The following MCF2L2 variants were observed in gnomAD, a reference collection of about 807,000 sequenced individuals.
MCF2L2 encodes the protein probable guanine nucleotide exchange factor MCF2L2.
MCF2L2 carries 102 observed loss-of-function variants against 150.2 expected under a neutral mutation model. The observed-to-expected ratio is 0.68, with a 90% CI of 0.58 to 0.80. The LOEUF is 0.80. MCF2L2 is among the 30% of genes least tolerant of loss of function. The pLI is 0.00. For synonymous variants in MCF2L2, 465 were observed against 491.3 expected, an observed-to-expected ratio of 0.95 and a Z score of 0.71; for missense variants, 1,256 against 1,372.8, an observed-to-expected ratio of 0.91 and a Z score of 1.34.
chr3:183,426,783 C>G (rs924256764), intron 1 of MCF2L2, among the ~76,000 whole-genome samples: 1 of 152,208 alleles, frequency 6.6e-6, no homozygotes, highest in Non-Finnish European at 1.5e-5. Flanking sequence ...GATCTTTTGT[C>G]GTAAAAGTTC....
chr3:183,194,095 G>A (rs574544612), intron 26 of MCF2L2, among the ~76,000 whole-genome samples: 1 of 152,016 alleles, frequency 6.6e-6, no homozygotes, highest in Non-Finnish European at 1.5e-5. Context: ...AGAGTACTCC[G>A]TAAGAGTGTG....
chr3:183,193,563 A>G (rs182071075), intron 26 of MCF2L2, among the ~76,000 whole-genome samples: 6 of 151,942 alleles, frequency 3.9e-5, no homozygotes, highest in Non-Finnish European at 8.8e-5. Flanking sequence ...GTTGGCCAGG[A>G]TGGTCTTGAT....
chr3:183,270,433 A>T lies in MCF2L2; in HGVS notation c.1862+6439T>A, dbSNP rs780183264. ...ATTGAGTACCTTCAAAGTTTAGAAC[A>T]AATTGGTGTTCAAGACTTTTGGATT... On this transcript the variant is annotated intron_variant, in intron 15 of 29. Coordinates refer to ENST00000328913, the MANE Select transcript of MCF2L2 (RefSeq NM_015078.4). The surrounding 1 kb of genome is among the most constrained non-coding windows in gnomAD (Gnocchi z 4.5). The T allele has an allele frequency of 6.2e-7, 1 of 1,614,208 alleles. No homozygotes were observed. The highest frequency in any genetic ancestry group is 8.5e-7 in the Non-Finnish European group (1 of 1,180,040).
Position 183,180,060 on chromosome 3 carries a change from G to T in MCF2L2, c.3105+11C>A, listed in dbSNP as rs758631453. 3.1e-6 allele frequency: 5 copies of T among 1,604,224 alleles called. No individual in the cohort carries two copies. The highest frequency in any genetic ancestry group is 2.2e-5 in the South Asian group (2 of 90,846). ...GGAAGAAGATGAAAGAAACAAAAGG[G>T]AAGTAATTACACTCAGAGCACTGCT... On this transcript the variant is annotated intron_variant, in intron 28 of 29. Coordinates refer to ENST00000328913, the MANE Select transcript of MCF2L2 (RefSeq NM_015078.4).
Position 183,179,176 on chromosome 3 carries a change from A to G in MCF2L2, c.*204T>C. The G allele has an allele frequency of 1.7e-6, 1 of 602,470 alleles. No homozygotes were observed. 37.3% of individuals were successfully genotyped at this position (602,470 alleles called of 1,614,324 possible). A position where few individuals can be genotyped will look rare whatever the true frequency, so the allele number is the denominator to read the frequency against. On this transcript the variant is annotated 3_prime_UTR_variant, in exon 30 of 30. Coordinates refer to ENST00000328913, the MANE Select transcript of MCF2L2 (RefSeq NM_015078.4). This position sits in a 1 kb window ranked among gnomAD's most constrained non-coding sequence, Gnocchi z 4.2. ...CTCGCCTCTGCAGGCGCCTTAGAGC[A>G]GCTCCGAGGTCCCCCGTGCGGAGCT...
In MCF2L2 at chr3:183,323,348, T is replaced by C. The variant is rs1224632344; in HGVS notation, c.490A>G (p.Ile164Val). Residue 164 changes from isoleucine (I) to valine (V), a missense_variant, in exon 6 of 30, where the codon ATC becomes GTC. Ile to Val is a conservative substitution (Grantham distance 29). Coordinates refer to ENST00000328913, the MANE Select transcript of MCF2L2 (RefSeq NM_015078.4). ...RNEFKTKVPIIMVNSVSDLHG... is the reference protein window; with the variant it reads ...RNEFKTKVPIVMVNSVSDLHG... Reference sequence around the variant, plus strand: ...AGGTCAGAGACAGAGTTTACCATGATGATCTGTAAGGTAAAAATTTAATTA... The same window carrying C: ...AGGTCAGAGACAGAGTTTACCATGACGATCTGTAAGGTAAAAATTTAATTA... 2.5e-6 allele frequency: 4 copies of C among 1,597,916 alleles called. No homozygotes were observed. The highest frequency in any genetic ancestry group is 1.3e-5 in the African/African-American group (1 of 74,732).
intron 13 of MCF2L2, among the ~76,000 whole-genome samples, chr3:183,291,904 CAT>C (rs775586845): frequency 3.2e-4 from 49 of 152,300 alleles, no homozygotes; most frequent in African/African-American, 1.2e-3. Flanking sequence ...TTGAAACAAA[CAT>C]ATGTACCTGG....
chr3:183,387,285 GA>G (rs1002229417), intron 2 of MCF2L2, among the ~76,000 whole-genome samples: 13 of 148,668 alleles, frequency 8.7e-5, no homozygotes, highest in Admixed American at 2.0e-4. Flanking sequence ...AAAAAGCAAA[GA>G]AAAAAAGAAG....
chr3:183,317,405 A>T (rs1729645135), intron 7 of MCF2L2, among the ~76,000 whole-genome samples: 1 of 152,120 alleles, frequency 6.6e-6, no homozygotes, highest in African/African-American at 2.4e-5. Flanking sequence ...TCCAGGGAGA[A>T]GCCCCGGGAA....
Position 183,207,698 on chromosome 3 carries a change from T to C in MCF2L2, c.2622A>G (p.Leu874=). ...TACAGAACACTATTCCCCTTTCAAATAGGTAGATTTGCCTCTGGCTGGGTT... is the reference window on the plus strand; with the variant it reads ...TACAGAACACTATTCCCCTTTCAAACAGGTAGATTTGCCTCTGGCTGGGTT... The part of the protein sequence containing the change: ...RFKPSQRQIY[L]FERGIVFCKI... Residue 874 remains leucine (L), a synonymous_variant, in exon 23 of 30, where the codon CTA becomes CTG. Transcript: ENST00000328913. The C allele has an allele frequency of 6.2e-7, 1 of 1,614,166 alleles. No homozygotes were observed. Among genetic ancestry groups the C allele is most frequent in the Non-Finnish European group, 8.5e-7 (1 of 1,179,986 alleles).
At chr3:183,223,057 C>T (rs893292482) in intron 20 of MCF2L2, among the ~76,000 whole-genome samples, 5 of 152,168 alleles carry the variant, frequency 3.3e-5, no homozygotes, top group Admixed American at 6.5e-5. Flanking sequence ...ATCACACTCT[C>T]GCTCCCAAAG....
chr3:183,193,482 C>T (rs1721976591), intron 26 of MCF2L2, among the ~76,000 whole-genome samples: 1 of 152,030 alleles, frequency 6.6e-6, no homozygotes, highest in Non-Finnish European at 1.5e-5. Flanking sequence ...TCCCAAGTAG[C>T]TGGGACTACA....
At chr3:183,298,186 A>T (rs960229406) in intron 11 of MCF2L2, 12 of 152,196 alleles carry the variant, frequency 7.9e-5, no homozygotes, top group East Asian at 3.8e-4. Flanking sequence ...TTCAATTTTT[A>T]AAAAAGACTC....
chr3:183,404,919 G>T (rs1045018006), intron 1 of MCF2L2, among the ~76,000 whole-genome samples: 2 of 151,994 alleles, frequency 1.3e-5, no homozygotes, highest in African/African-American at 4.8e-5. Context: ...GACTAAAGAT[G>T]CTCCTTGCAT....
chr3:183,360,973 GAAAAGAAAAGAAAA>G (rs1341910806), intron 3 of MCF2L2, among the ~76,000 whole-genome samples: 4 of 91,632 alleles, frequency 4.4e-5, no homozygotes, highest in African/African-American at 3.0e-4. Context: ...GAAAAGAAAA[GAAAAGAAAAGAAAA>G]GAAAAGAAAA....
chr3:183,392,467 T>C (rs185470478), intron 1 of MCF2L2, among the ~76,000 whole-genome samples: 9 of 152,312 alleles, frequency 5.9e-5, no homozygotes, highest in South Asian at 4.1e-4. Context: ...CCTTTCTCGC[T>C]AGCCTCCTGT....
chr3:183,314,004 G>A (rs1310802760), intron 7 of MCF2L2, among the ~76,000 whole-genome samples: 1 of 152,184 alleles, frequency 6.6e-6, no homozygotes, highest in East Asian at 1.9e-4. Flanking sequence ...CAGGAATGAC[G>A]GGCAGCTGAG....
chr3:183,329,590 C>T (rs1477398743), intron 5 of MCF2L2, among the ~76,000 whole-genome samples: 1 of 152,160 alleles, frequency 6.6e-6, no homozygotes, highest in East Asian at 1.9e-4. Flanking sequence ...AGATAATATT[C>T]AGCAATGAAA....
chr3:183,271,058 TC>T, intron 15 of MCF2L2: 1 of 880,692 alleles, frequency 1.1e-6, no homozygotes, highest in Non-Finnish European at 1.7e-6. Context: ...GAAAGCCTAG[TC>T]CATCAGAATG....
Sources: allele counts gnomAD v4.1 joint callset (sites outside exome capture counted in the v4.1 genomes callset), GRCh38; gene constraint gnomAD v4.1.1; non-coding constraint Gnocchi (gnomAD v3.1); transcripts MANE v1.5; gene names NCBI Gene and HGNC (gene_info 2026-07-23, HGNC 2026-07-21).